TLE1: variants seen among roughly 807,000 people sequenced by gnomAD.
The protein encoded by TLE1 is TLE family member 1, transcriptional corepressor.
In TLE1, 21 loss-of-function variants were observed where a neutral mutation model predicts 89.8. That is an observed-to-expected ratio of 0.23 (90% CI 0.17 to 0.34). The LOEUF is 0.34. Among genes scored for constraint, TLE1 ranks in the 10% least tolerant of loss-of-function variants. TLE1 has a pLI of 1.00. For synonymous variants in TLE1, 447 were observed against 407.6 expected (o/e 1.10, Z -1.16); for missense variants, 795 against 1,031.2 (o/e 0.77, Z 3.14).
intron 14 of TLE1, among the ~76,000 whole-genome samples, chr9:81,604,999 C>G (rs1207717015): frequency 6.6e-6 from 1 of 152,172 alleles, no homozygotes; most frequent in Non-Finnish European, 1.5e-5. Context: ...ATGACATCAT[C>G]AAGCCCCCAA....
At chr9:81,600,676 TTA>T (rs1830797932) in intron 14 of TLE1, among the ~76,000 whole-genome samples, 1 of 152,024 alleles carries the variant, frequency 6.6e-6, no homozygotes, top group South Asian at 2.1e-4. Context: ...ATGGTCAATT[TTA>T]TATGTCAACT....
intron 8 of TLE1, among the ~76,000 whole-genome samples, chr9:81,629,005 T>C (rs1826243515): frequency 6.6e-6 from 1 of 152,154 alleles, no homozygotes; most frequent in African/African-American, 2.4e-5. Context: ...CAGAGTCTCC[T>C]CCCTTTTCCA....
In TLE1 at chr9:81,630,729, ACTTT is replaced by A. The variant is rs1467902322; in HGVS notation, c.594+2615_594+2618del. Among the ~76,000 whole-genome samples, 5 of 152,218 alleles carry A rather than the reference ACTTT, an allele frequency of 3.3e-5. No individual in the cohort carries two copies. The South Asian group carries it at 8.3e-4, about 25-fold the overall frequency. On this transcript the variant is annotated intron_variant, in intron 8 of 19. Coordinates refer to ENST00000376499, the MANE Select transcript of TLE1 (RefSeq NM_005077.5). ...GACTTAATCTGCCAAGTAAAATTAGACTTTCTAATTCAAACCACTTTATTAAATA... is the reference window on the plus strand; with the variant it reads ...GACTTAATCTGCCAAGTAAAATTAGACTAATTCAAACCACTTTATTAAATA...
At chr9:81,588,147 G>C (rs1478913905) in intron 16 of TLE1, among the ~76,000 whole-genome samples, 1 of 152,098 alleles carries the variant, frequency 6.6e-6, no homozygotes, top group African/African-American at 2.4e-5. Context: ...TCCAGGTCTG[G>C]AAAAGTGTTT....
At chr9:81,678,380 A>AT (rs35206989) in intron 4 of TLE1, among the ~76,000 whole-genome samples, 118,294 of 151,754 alleles carry the variant, frequency 0.78, 46,192 homozygotes, top group East Asian at 0.89. Flanking sequence ...GGCCCAATTA[A>AT]TTTTTTTTAA....
chr9:81,604,924 T>A (rs555945432), intron 14 of TLE1, among the ~76,000 whole-genome samples: 5 of 152,280 alleles, frequency 3.3e-5, no homozygotes, highest in African/African-American at 1.2e-4. Flanking sequence ...TGTCTCCCTA[T>A]CACCCACTGC....
At chr9:81,603,125 G>A (rs1831167200) in intron 14 of TLE1, among the ~76,000 whole-genome samples, 1 of 152,162 alleles carries the variant, frequency 6.6e-6, no homozygotes, top group Non-Finnish European at 1.5e-5. Context: ...TCCACCTAGA[G>A]GTTCAGCCCC....
At chr9:81,603,759 T>A (rs1016135701) in intron 14 of TLE1, among the ~76,000 whole-genome samples, 1 of 152,198 alleles carries the variant, frequency 6.6e-6, no homozygotes, top group Non-Finnish European at 1.5e-5. Flanking sequence ...CCCAGCACTT[T>A]GGGAGGCCAA....
At chr9:81,686,607 T>C (rs1405694625) in intron 2 of TLE1, among the ~76,000 whole-genome samples, 1 of 152,234 alleles carries the variant, frequency 6.6e-6, no homozygotes, top group Non-Finnish European at 1.5e-5. Flanking sequence ...AATACAGTTA[T>C]TTCTGAGTTA....
chr9:81,671,878 T>C (rs1158191442), intron 4 of TLE1, among the ~76,000 whole-genome samples: 1 of 152,160 alleles, frequency 6.6e-6, no homozygotes, highest in Non-Finnish European at 1.5e-5. Flanking sequence ...TGGATACATT[T>C]CAATGGTCCA....
chr9:81,602,909 G>C (rs1367244305), intron 14 of TLE1, among the ~76,000 whole-genome samples: 2 of 152,176 alleles, frequency 1.3e-5, no homozygotes, highest in Non-Finnish European at 2.9e-5. Context: ...GAATGGGAAT[G>C]ATGCTTTAAC....
rs192945917 is a variant in TLE1, at chr9:81,684,805, T to C, written c.234+871A>G. On this transcript the variant is annotated intron_variant, in intron 4 of 19. Transcript: ENST00000376499. The stretch of plus-strand genomic sequence containing the variant: ...ACCAGCGTCTTGATGAAAAAGTGAA[T>C]GTCAGCGTATCTCCAGAATACTTAC... 6.0e-3 allele frequency among the ~76,000 whole-genome samples: 899 copies of C among 151,064 alleles called. 12 individuals are homozygous for C. Among genetic ancestry groups the C allele is most frequent in the African/African-American group, 0.021 (857 of 40,352 alleles).
chr9:81,593,119 G>A lies in TLE1; in HGVS notation c.1487C>T (p.Thr496Met), dbSNP rs769469998. Reference sequence around the variant, plus strand: ...CTTCCCGCCTGTGTACACGTGTCTCGTGGGGTTGCTGATGGTCACAGCGCA... The same window carrying A: ...CTTCCCGCCTGTGTACACGTGTCTCATGGGGTTGCTGATGGTCACAGCGCA... ...VVCAVTISNP[T>M]RHVYTGGKGC... The change falls in exon 15 of 20, where the codon ACG becomes ATG. Residue 496 changes from threonine (T) to methionine (M), a missense_variant. By Grantham distance (81) the Thr-to-Met change is moderately conservative. Transcript: ENST00000376499. The A allele has an allele frequency of 8.7e-6, 14 of 1,614,050 alleles. No individual in the cohort carries two copies. Among genetic ancestry groups the A allele is most frequent in the Admixed American group, 3.3e-5 (2 of 59,998 alleles).
intron 4 of TLE1, among the ~76,000 whole-genome samples, chr9:81,667,320 C>T (rs1238862425): frequency 3.4e-5 from 5 of 146,258 alleles, no homozygotes; most frequent in South Asian, 2.2e-4. Context: ...CGCTTAAACC[C>T]GGGTGGCAGA....
chr9:81,668,796 G>A (rs1831834532), intron 4 of TLE1, among the ~76,000 whole-genome samples: 1 of 152,064 alleles, frequency 6.6e-6, no homozygotes, highest in African/African-American at 2.4e-5. Context: ...AGATATACTA[G>A]GGAAGCATTA....
rs776491387 is a variant in TLE1 at position 81,687,448 on chromosome 9, G to A, written c.25-14C>T. ...CTGGTGCGGCGTCTGGGGGCGACCA[G>A]CGAGGGGGACCGAGGGACGGGAATG... On this transcript the variant is annotated splice_polypyrimidine_tract_variant and intron_variant, in intron 1 of 19. Transcript: ENST00000376499. The A allele has an allele frequency of 6.2e-7, 1 of 1,601,356 alleles. No individual in the cohort carries two copies. The highest frequency in any genetic ancestry group is 8.5e-7 in the Non-Finnish European group (1 of 1,173,146).
intron 4 of TLE1, among the ~76,000 whole-genome samples, chr9:81,654,942 G>A (rs938515454): frequency 1.3e-5 from 2 of 152,150 alleles, no homozygotes; most frequent in Admixed American, 1.3e-4. Context: ...GTCAAGTCAT[G>A]ATATCCTGAG....
chr9:81,689,444 G>T lies in TLE1; in HGVS notation c.-1204C>A. ...TGGGGTGGCGCAGTCGGCTGCCTCC[G>T]GGACGCGGGGCACAGAGTACCCGCC... On this transcript the variant is annotated 5_prime_UTR_variant, in exon 1 of 20. Transcript: ENST00000376499. 6.5e-6 allele frequency: 1 copy of T among 153,336 alleles called. No homozygotes were observed. The highest frequency in any genetic ancestry group is 1.8e-4 in the South Asian group (1 of 5,644). 9.5% of individuals were successfully genotyped at this position (153,336 alleles called of 1,614,324 possible).
rs896815345 is a variant in TLE1 at position 81,687,398 on chromosome 9, T to A, written c.61A>T (p.Thr21Ser). The A allele has an allele frequency of 1.7e-5, 27 of 1,611,146 alleles. No individual in the cohort carries two copies. Among genetic ancestry groups the A allele is most frequent in the Non-Finnish European group, 2.2e-5 (26 of 1,179,412 alleles). Residue 21 changes from threonine to serine, a missense_variant, in exon 2 of 20, where the codon ACT (threonine) becomes TCT (serine). Transcript: ENST00000376499. ...ATCCGGTCCAGGGACTCCGGGATAG[T>A]GAACTTGAAGGGCTGGCCTGCAGCC... ...HQAAGQPFKF[T>S]IPESLDRIKE...
Sources: allele counts gnomAD v4.1 joint callset (sites outside exome capture counted in the v4.1 genomes callset), GRCh38; gene constraint gnomAD v4.1.1; transcripts MANE v1.5; gene names NCBI Gene and HGNC (gene_info 2026-07-23, HGNC 2026-07-21).